The following TRIM50 variants were observed in gnomAD, a reference collection of about 807,000 sequenced individuals.
TRIM50 encodes tripartite motif containing 50, also known as E3 ubiquitin-protein ligase TRIM50.
In TRIM50, 34 loss-of-function variants were observed where a neutral mutation model predicts 44.9. The observed-to-expected ratio is 0.76, with a 90% CI of 0.58 to 1.01. The LOEUF is 1.01. Ranked by LOEUF, TRIM50 falls within the 50% of genes least tolerant of loss-of-function variation. The probability of loss-of-function intolerance (pLI) is 0.00; values close to 1 mark genes in which losing one functional copy is unlikely to be tolerated. For synonymous variants in TRIM50, 307 were observed against 291.1 expected (o/e 1.05, Z -0.56); for missense variants, 633 against 663.7 (o/e 0.95, Z 0.51).
Position 73,312,711 on chromosome 7 carries a change from G to A in TRIM50, c.*210C>T, listed in dbSNP as rs1210291792. 3 of 547,996 alleles carry A rather than the reference G, an allele frequency of 5.5e-6. No individual in the cohort carries two copies. The highest frequency in any genetic ancestry group is 9.6e-6 in the Non-Finnish European group (3 of 313,150). 33.9% of individuals were successfully genotyped at this position (547,996 alleles called of 1,614,324 possible). A position where few individuals can be genotyped will look rare whatever the true frequency, so the allele number is the denominator to read the frequency against. ...TTTCAGTGTGTCCCTGGCTGCCAAG[G>A]CCTGGGGGCCGAAGTTTACAAATAC... On this transcript the variant is annotated 3_prime_UTR_variant, in exon 7 of 7. Coordinates refer to ENST00000333149, the MANE Select transcript of TRIM50 (RefSeq NM_178125.3).
intron 6 of TRIM50, 125 bp downstream of exon 6, chr7:73,316,440 C>A: frequency 7.5e-7 from 1 of 1,338,524 alleles, no homozygotes; most frequent in East Asian, 2.5e-5. Flanking sequence ...CCCATGCTCT[C>A]ACTAGGACCC....
chr7:73,324,852 T>G, intron 1 of TRIM50, 47 bp from the exon 2 acceptor site: 5 of 1,605,024 alleles, frequency 3.1e-6, no homozygotes, highest in Non-Finnish European at 4.3e-6. Context: ...CCCCTCCCCC[T>G]GTCCAGCACT....
chr7:73,318,999 G>T lies in TRIM50; in HGVS notation c.549C>A (p.His183Gln). Residue 183 changes from histidine to glutamine, a missense_variant, in exon 4 of 7, where the codon CAC (histidine) becomes CAA (glutamine). His to Gln is a conservative substitution (Grantham distance 24). Coordinates refer to ENST00000333149, the MANE Select transcript of TRIM50 (RefSeq NM_178125.3). ...WVIRREFQEL[H>Q]HLVDEEKARC... ...GGGCCTTCTCCTCATCCACCAGGTG[G>T]TGCAGCTCCTGGAACTCGCGGCGGA... 1 of 1,614,020 alleles carries T rather than the reference G, an allele frequency of 6.2e-7. No homozygotes were observed. The highest frequency in any genetic ancestry group is 8.5e-7 in the Non-Finnish European group (1 of 1,179,866).
intron 5 of TRIM50, among the ~76,000 whole-genome samples, chr7:73,318,344 C>G (rs1470546130): frequency 9.2e-5 from 14 of 152,102 alleles, no homozygotes; most frequent in African/African-American, 3.4e-4. Flanking sequence ...ACTACATTGG[C>G]CAGGCTGGTC....
intron 5 of TRIM50, among the ~76,000 whole-genome samples, chr7:73,317,322 G>A (rs545358900): frequency 2.7e-5 from 4 of 150,344 alleles, no homozygotes; most frequent in Admixed American, 2.0e-4. Context: ...CCAAAGTGCT[G>A]GGATTACAGC....
intron 6 of TRIM50, 98 bp downstream of exon 6, chr7:73,316,463 CATCT>C (rs1278342090): frequency 1.3e-6 from 2 of 1,491,256 alleles, no homozygotes; most frequent in Non-Finnish European, 1.8e-6. Context: ...CACAAACCTC[CATCT>C]GAGTTCTCTG....
In TRIM50 at chr7:73,318,693, G is replaced by T. The variant is rs781861674; in HGVS notation, c.743C>A (p.Ala248Asp). ...CTCTCTCCAAGGTTATTACCTGGAG[G>T]CCATGGAGTGGAACTTCTGGAAGGC... is the stretch of plus-strand genomic sequence containing the variant. ...HKFIRKFHSM[A>D]SRAEMPQARP... is the part of the protein sequence containing the mutation. The change falls in exon 5 of 7, where the codon GCC (alanine) becomes GAC (aspartate). Residue 248 changes from alanine (A) to aspartate (D), a missense_variant. Physicochemically the swap from Ala to Asp is moderately radical, Grantham distance 126 (BLOSUM62 -2). Transcript: ENST00000333149. 3 of 1,613,730 alleles carry T rather than the reference G, an allele frequency of 1.9e-6. No homozygotes were observed. Among genetic ancestry groups the T allele is most frequent in the African/African-American group, 1.3e-5 (1 of 74,922 alleles).
At chr7:73,325,690 G>A (rs1264226489) in intron 1 of TRIM50, 1 of 153,774 alleles carries the variant, frequency 6.5e-6, no homozygotes, top group Non-Finnish European at 1.5e-5. Flanking sequence ...TACATCACGG[G>A]ACTGGGGAGG....
At position 73,319,027 on chromosome 7, in the gene TRIM50, A is replaced by T; in HGVS notation, c.521T>A (p.Val174Glu). ...CAGCTCCTGGAACTCGCGGCGGATC[A>T]CCCAGCTGAAGACATCCGACTCATT... ...IVNESDVFSW[V>E]IRREFQELHH... The change falls in exon 4 of 7, where the codon GTG becomes GAG. Residue 174 changes from valine to glutamate, a missense_variant. By Grantham distance (121) the Val-to-Glu change is moderately radical (BLOSUM62 -2). Coordinates refer to ENST00000333149, the MANE Select transcript of TRIM50 (RefSeq NM_178125.3). 2 of 1,613,924 alleles carry T rather than the reference A, an allele frequency of 1.2e-6. No individual in the cohort carries two copies. Among genetic ancestry groups the T allele is most frequent in the South Asian group, 2.2e-5 (2 of 91,072 alleles).
At position 73,312,930 on chromosome 7, in the gene TRIM50, G is replaced by A. The variant is rs1563297082; in HGVS notation, c.1455C>T (p.Thr485=). Residue 485 remains threonine, a synonymous_variant, in exon 7 of 7, where the codon ACC becomes ACT. Coordinates refer to ENST00000333149, the MANE Select transcript of TRIM50 (RefSeq NM_178125.3). The part of the protein sequence containing the change: ...GPGPLSPEQP[T]KL ...AGGACTCCGGGCGGCCCTACAGCTT[G>A]GTGGGCTGCTCGGGGCTGAGGGGGC... 1 of 1,543,246 alleles carries A rather than the reference G, an allele frequency of 6.5e-7. No homozygotes were observed. The highest frequency in any genetic ancestry group is 8.7e-7 in the Non-Finnish European group (1 of 1,143,878).
rs1586472717 is a variant in TRIM50, at chr7:73,313,586, C to T, written c.875-76G>A. The T allele has an allele frequency of 1.6e-6, 2 of 1,240,568 alleles. No homozygotes were observed. Among genetic ancestry groups the T allele is most frequent in the East Asian group, 2.6e-5 (1 of 39,114 alleles). The allele number at this position is 1,240,568 out of a possible 1,614,324, so 76.8% of individuals were successfully genotyped here. On this transcript the variant is annotated intron_variant, in intron 6 of 6. Transcript: ENST00000333149. The surrounding 1 kb of genome is among the most constrained non-coding windows in gnomAD (Gnocchi z 4.9). ...CCCGGCCCACAGAAGCTGATGGAGGCCCTGAACTCCCCAAGGAGAGGGGCT... is the reference window on the plus strand; with the variant it reads ...CCCGGCCCACAGAAGCTGATGGAGGTCCTGAACTCCCCAAGGAGAGGGGCT...
At chr7:73,326,854 A>G (rs1804643486) in intron 1 of TRIM50, among the ~76,000 whole-genome samples, 1 of 151,990 alleles carries the variant, frequency 6.6e-6, no homozygotes, top group African/African-American at 2.4e-5. Flanking sequence ...GCAGTGGCGC[A>G]ATCTGGCTCA....
intron 1 of TRIM50, among the ~76,000 whole-genome samples, chr7:73,326,396 C>G (rs1157137780): frequency 3.4e-5 from 5 of 148,660 alleles, no homozygotes; most frequent in Admixed American, 3.3e-4. Context: ...AGCCACCAAG[C>G]CTGGCCTCTT....
intron 1 of TRIM50, among the ~76,000 whole-genome samples, chr7:73,327,347 C>T (rs1376885912): frequency 6.6e-6 from 1 of 152,136 alleles, no homozygotes; most frequent in East Asian, 1.9e-4. Flanking sequence ...ATTAGCTGGG[C>T]CTGGTGGTGC....
intron 1 of TRIM50, among the ~76,000 whole-genome samples, chr7:73,326,112 A>C (rs572889309): frequency 9.8e-5 from 15 of 152,330 alleles, no homozygotes; most frequent in Non-Finnish European, 2.2e-4. Context: ...CTGGTCTTCA[A>C]CTTCTGGGCT....
chr7:73,328,048 C>T lies in TRIM50; in HGVS notation c.-167G>A, dbSNP rs1187362551. 4.3e-5 allele frequency: 32 copies of T among 750,454 alleles called. No individual in the cohort carries two copies. Among genetic ancestry groups the T allele is most frequent in the Non-Finnish European group, 6.7e-5 (31 of 459,676 alleles). 46.5% of individuals were successfully genotyped at this position (750,454 alleles called of 1,614,324 possible). A position where few individuals can be genotyped will look rare whatever the true frequency, so the allele number is the denominator to read the frequency against. On this transcript the variant is annotated 5_prime_UTR_variant, in exon 1 of 7. Coordinates refer to ENST00000333149, the MANE Select transcript of TRIM50 (RefSeq NM_178125.3). ...ACCCGCACGCTATGGTTACATGCCC[C>T]GCCTCGCGCTACCGCGCGTGCCCCA...
At chr7:73,315,583 G>A (rs1554543936) in intron 6 of TRIM50, among the ~76,000 whole-genome samples, 1 of 152,066 alleles carries the variant, frequency 6.6e-6, no homozygotes, top group Non-Finnish European at 1.5e-5. Flanking sequence ...TTGAACTCCT[G>A]GCCTCAAGCA....
intron 2 of TRIM50, among the ~76,000 whole-genome samples, chr7:73,322,342 CTG>C (rs1203431110): frequency 6.6e-6 from 1 of 152,160 alleles, no homozygotes. Context: ...GAGCGAGACT[CTG>C]TCTCAACAAC....
At chr7:73,321,454 G>A (rs1482176774) in intron 2 of TRIM50, among the ~76,000 whole-genome samples, 4 of 152,178 alleles carry the variant, frequency 2.6e-5, no homozygotes, top group Admixed American at 1.3e-4. Flanking sequence ...GTGCTCACAC[G>A]GGCCTGGGTT....
Sources: allele counts gnomAD v4.1 joint callset (sites outside exome capture counted in the v4.1 genomes callset), GRCh38; gene constraint gnomAD v4.1.1; non-coding constraint Gnocchi (gnomAD v3.1); transcripts MANE v1.5; gene names NCBI Gene and HGNC (gene_info 2026-07-23, HGNC 2026-07-21).